RBFOX2: variants seen among roughly 807,000 people sequenced by gnomAD.
The protein encoded by RBFOX2 is RNA binding protein fox-1 homolog 2.
RBFOX2 carries 10 observed loss-of-function variants against 49.1 expected under a neutral mutation model. The ratio of observed to expected loss-of-function variants is 0.20; its 90% CI spans 0.13 to 0.35. The LOEUF is 0.35. RBFOX2 is among the 10% of genes least tolerant of loss of function. The pLI is 1.00. For synonymous variants in RBFOX2, 183 were observed against 187.4 expected, an observed-to-expected ratio of 0.98 and a Z score of 0.19; for missense variants, 323 against 486.9, an observed-to-expected ratio of 0.66 and a Z score of 3.17.
chr22:36,001,631 T>C (rs915553602), intron 1 of RBFOX2, among the ~76,000 whole-genome samples: 1 of 151,986 alleles, frequency 6.6e-6, no homozygotes, highest in Admixed American at 6.6e-5. Flanking sequence ...GGCATAGTAG[T>C]GCATGCCTTA....
intron 1 of RBFOX2, among the ~76,000 whole-genome samples, chr22:35,989,346 CAGAG>C (rs2057863843): frequency 6.6e-6 from 1 of 152,090 alleles, no homozygotes; most frequent in Non-Finnish European, 1.5e-5. Flanking sequence ...CACTGGCAGA[CAGAG>C]GGAGAAATTC....
At chr22:35,886,132 A>G (rs1032537864) in intron 1 of RBFOX2, among the ~76,000 whole-genome samples, 1 of 152,072 alleles carries the variant, frequency 6.6e-6, no homozygotes, top group Admixed American at 6.5e-5. Flanking sequence ...CTGGGATTAC[A>G]GGCGTGAGCC....
chr22:35,747,413 C>T (rs1207159571), intron 9 of RBFOX2: 1 of 152,354 alleles, frequency 6.6e-6, no homozygotes, highest in East Asian at 1.9e-4. Context: ...ACAGTAGACT[C>T]TGAGCTTTTC....
At chr22:35,920,493 C>T (rs1182929539) in intron 1 of RBFOX2, among the ~76,000 whole-genome samples, 1 of 152,110 alleles carries the variant, frequency 6.6e-6, no homozygotes, top group Non-Finnish European at 1.5e-5. Context: ...TATTTCTGGG[C>T]TCACTTTAAC....
intron 1 of RBFOX2, among the ~76,000 whole-genome samples, chr22:35,887,499 C>T (rs989556106): frequency 2.0e-5 from 3 of 152,270 alleles, no homozygotes; most frequent in Admixed American, 6.5e-5. Flanking sequence ...ATTACTGTTG[C>T]TTCTACAGTA....
chr22:36,025,711 C>G (rs1027495032), intron 1 of RBFOX2, among the ~76,000 whole-genome samples: 7 of 152,194 alleles, frequency 4.6e-5, no homozygotes, highest in African/African-American at 1.7e-4. Context: ...GGACAGTGAA[C>G]TGGACTTATA....
intron 4 of RBFOX2, among the ~76,000 whole-genome samples, chr22:35,774,919 T>A (rs1427570315): frequency 6.6e-6 from 1 of 152,232 alleles, no homozygotes; most frequent in Non-Finnish European, 1.5e-5. Flanking sequence ...ATCTTAGAGT[T>A]ATTTTGTGAC....
intron 1 of RBFOX2, among the ~76,000 whole-genome samples, chr22:35,947,310 T>A (rs942326099): frequency 6.6e-6 from 1 of 152,224 alleles, no homozygotes; most frequent in Non-Finnish European, 1.5e-5. Context: ...ACAAGCCTAC[T>A]GTGCTGCCAG....
rs552552865 is a variant in RBFOX2 at position 35,919,244 on chromosome 22, G to C, written c.-34+19603C>G. ...GAAGTAGTGGGCATAGAGGAATTAAGAAGTGATGATTGGCCAGGAGCAGTG... is the reference window on the plus strand; with the variant it reads ...GAAGTAGTGGGCATAGAGGAATTAACAAGTGATGATTGGCCAGGAGCAGTG... On this transcript the variant is annotated intron_variant, in intron 1 of 13. Transcript: ENST00000359369. Among the ~76,000 whole-genome samples, 4 of 152,332 alleles carry C rather than the reference G, an allele frequency of 2.6e-5. No individual in the cohort carries two copies. The South Asian group carries it at 6.2e-4, about 24-fold the overall frequency.
rs575326066 is a variant in RBFOX2, at chr22:35,871,942, A to G, written c.-33-61938T>C. Among the ~76,000 whole-genome samples, 28 of 152,352 alleles carry G rather than the reference A, an allele frequency of 1.8e-4. 2 individuals are homozygous for G. In the South Asian group the frequency reaches 5.8e-3, roughly 32 times the overall value. On this transcript the variant is annotated intron_variant, in intron 1 of 13. Transcript: ENST00000359369. ...GATTAAACTCTCTAATTTAGAGCAC[A>G]GAGATTCAAATTTGTAAAACCTCTG...
chr22:35,851,753 A>G (rs536787003), intron 1 of RBFOX2, among the ~76,000 whole-genome samples: 3 of 151,602 alleles, frequency 2.0e-5, no homozygotes, highest in African/African-American at 7.3e-5. Context: ...GCTTGAACCC[A>G]GGAGGCGAAG....
In RBFOX2 at chr22:35,809,838, G is replaced by T; in HGVS notation, c.194C>A (p.Thr65Lys). The change falls in exon 2 of 12, where the codon ACG (threonine) becomes AAG (lysine). Residue 65 changes from threonine to lysine, a missense_variant. Coordinates refer to ENST00000405409, the Ensembl canonical transcript of RBFOX2. Reference sequence around the variant, plus strand: ...GCTGCTCTGCTCCCCGTGGGCTTGCGTACTTCCGTAGAGTGTCAGGTTATG... The same window carrying T: ...GCTGCTCTGCTCCCCGTGGGCTTGCTTACTTCCGTAGAGTGTCAGGTTATG... 6.2e-7 allele frequency: 1 copy of T among 1,614,028 alleles called. No homozygotes were observed. Among genetic ancestry groups the T allele is most frequent in the African/African-American group, 1.3e-5 (1 of 74,980 alleles).
intron 4 of RBFOX2, among the ~76,000 whole-genome samples, chr22:35,775,525 T>C (rs1555895675): frequency 6.6e-6 from 1 of 151,916 alleles, no homozygotes; most frequent in Non-Finnish European, 1.5e-5. Flanking sequence ...ATGAGAGAAG[T>C]AATTGGATCA....
intron 1 of RBFOX2, chr22:35,821,837 C>G (rs556666614): frequency 5.8e-6 from 3 of 518,804 alleles, no homozygotes; most frequent in South Asian, 4.2e-5. Flanking sequence ...CTCCTGAGGC[C>G]GCTGAAGGAA....
At chr22:35,770,844 C>G (rs1006126254) in intron 4 of RBFOX2, among the ~76,000 whole-genome samples, 1 of 152,042 alleles carries the variant, frequency 6.6e-6, no homozygotes, top group African/African-American at 2.4e-5. Context: ...CATTCTGGAA[C>G]AAAATTTCAC....
chr22:35,766,016 G>A (rs1193844465), intron 5 of RBFOX2, among the ~76,000 whole-genome samples: 2 of 152,102 alleles, frequency 1.3e-5, no homozygotes, highest in African/African-American at 4.8e-5. Flanking sequence ...CAGCCTTCAG[G>A]ACCATTCTGA....
chr22:35,781,565 A>G (rs1466757614), intron 3 of RBFOX2, 35 bp downstream of exon 4: 2 of 1,599,472 alleles, frequency 1.3e-6, no homozygotes, highest in Non-Finnish European at 1.7e-6. Flanking sequence ...ATCTACTTTA[A>G]TTGTAAAATC....
At chr22:35,958,080 A>G (rs966859145) in intron 1 of RBFOX2, among the ~76,000 whole-genome samples, 2 of 152,212 alleles carry the variant, frequency 1.3e-5, no homozygotes, top group African/African-American at 4.8e-5. Context: ...CACAGTCTAA[A>G]TTTAAATTAA....
At chr22:35,813,803 T>A (rs1952409101) in intron 1 of RBFOX2, among the ~76,000 whole-genome samples, 1 of 152,198 alleles carries the variant, frequency 6.6e-6, no homozygotes, top group African/African-American at 2.4e-5. Flanking sequence ...TGTGTGCACA[T>A]TACAGCAAAC....
Sources: allele counts gnomAD v4.1 joint callset (sites outside exome capture counted in the v4.1 genomes callset), GRCh38; gene constraint gnomAD v4.1.1; transcripts MANE v1.5; gene names NCBI Gene and HGNC (gene_info 2026-07-23, HGNC 2026-07-21).